TSSK6: variants seen among roughly 807,000 people sequenced by gnomAD.
The protein encoded by TSSK6 is testis-specific serine/threonine-protein kinase 6.
TSSK6 carries 9 observed loss-of-function variants against 8.5 expected under a neutral mutation model. That is an observed-to-expected ratio of 1.06 (90% CI 0.64 to 1.85). The LOEUF (loss-of-function observed/expected upper bound fraction) is 1.85. Ranked by LOEUF, TSSK6 falls within the 40% of genes most tolerant of loss-of-function variation. TSSK6 has a pLI of 0.00. For missense variants in TSSK6, 311 were observed against 391.5 expected (o/e 0.79, Z 1.73); for synonymous variants, 202 against 182.4 (o/e 1.11, Z -0.86).
In TSSK6 at chr19:19,514,395, C is replaced by G. The variant is rs1238218771; in HGVS notation, c.*211G>C. 3.4e-6 allele frequency: 2 copies of G among 594,328 alleles called. No individual in the cohort carries two copies. The highest frequency in any genetic ancestry group is 2.2e-5 in the South Asian group (1 of 44,814). 36.8% of individuals were successfully genotyped at this position (594,328 alleles called of 1,614,324 possible). ...CAGGGAATCGCGGATGCGCATGCGC[C>G]TCCAGCTCCCGGGATCGCGGGGAAC... On this transcript the variant is annotated 3_prime_UTR_variant, in exon 1 of 1. Coordinates refer to ENST00000585580, the MANE Select transcript of TSSK6 (RefSeq NM_032037.4).
chr19:19,514,422 T>G lies in TSSK6; in HGVS notation c.*184A>C. 1 of 635,332 alleles carries G rather than the reference T, an allele frequency of 1.6e-6. No individual in the cohort carries two copies. Among genetic ancestry groups the G allele is most frequent in the East Asian group, 2.8e-5 (1 of 35,366 alleles). 39.4% of individuals were successfully genotyped at this position (635,332 alleles called of 1,614,324 possible). A position where few individuals can be genotyped will look rare whatever the true frequency, so the allele number is the denominator to read the frequency against. On this transcript the variant is annotated 3_prime_UTR_variant, in exon 1 of 1. Transcript: ENST00000585580. ...CCAGCTCCCGGGATCGCGGGGAACGTGGATTCCGAACAAGGGCAACTGCGG... is the reference window on the plus strand; with the variant it reads ...CCAGCTCCCGGGATCGCGGGGAACGGGGATTCCGAACAAGGGCAACTGCGG...
Position 19,515,470 on chromosome 19 carries a change from C to A in TSSK6, c.-43G>T. The A allele has an allele frequency of 6.5e-7, 1 of 1,542,122 alleles. No individual in the cohort carries two copies. The highest frequency in any genetic ancestry group is 8.8e-7 in the Non-Finnish European group (1 of 1,137,180). Reference sequence around the variant, plus strand: ...ACGGGGGGCAGGAGGCGGCTGCTGTCGGGGGGCGGCCGGACTCCAATCTCG... The same window carrying A: ...ACGGGGGGCAGGAGGCGGCTGCTGTAGGGGGGCGGCCGGACTCCAATCTCG... On this transcript the variant is annotated 5_prime_UTR_variant, in exon 1 of 1. Transcript: ENST00000585580.
Position 19,514,381 on chromosome 19 carries a change from G to T in TSSK6, c.*225C>A. On this transcript the variant is annotated 3_prime_UTR_variant, in exon 1 of 1. Transcript: ENST00000585580. Reference sequence around the variant, plus strand: ...TCGGGGCCTGGTCGCAGGGAATCGCGGATGCGCATGCGCCTCCAGCTCCCG... The same window carrying T: ...TCGGGGCCTGGTCGCAGGGAATCGCTGATGCGCATGCGCCTCCAGCTCCCG... The T allele has an allele frequency of 1.8e-6, 1 of 569,578 alleles. No homozygotes were observed. Among genetic ancestry groups the T allele is most frequent in the Middle Eastern group, 4.8e-4 (1 of 2,096 alleles). 35.3% of individuals were successfully genotyped at this position (569,578 alleles called of 1,614,324 possible).
Position 19,514,849 on chromosome 19 carries a change from G to T in TSSK6, c.579C>A (p.Tyr193Ter). 2.5e-6 allele frequency: 4 copies of T among 1,600,056 alleles called. No homozygotes were observed. The highest frequency in any genetic ancestry group is 3.4e-6 in the Non-Finnish European group (4 of 1,178,542). ...LLGIPYDPKK[Y>*]DVWSMGVVLY... Reference sequence around the variant, plus strand: ...GCACGACGCCCATGCTCCACACATCGTACTTCTTGGGGTCGTAGGGGATGC... The same window carrying T: ...GCACGACGCCCATGCTCCACACATCTTACTTCTTGGGGTCGTAGGGGATGC... The change falls in exon 1 of 1, where the codon TAC becomes TAA. Residue 193 changes from tyrosine to a stop codon, truncating the protein, a stop_gained. Coordinates refer to ENST00000585580, the MANE Select transcript of TSSK6 (RefSeq NM_032037.4). LOFTEE classifies it high-confidence loss of function.
rs972468550 is a variant in TSSK6, at chr19:19,514,539, C to A, written c.*67G>T. ...GCTTCGCATATTCCCTCGAAGCGCGCCTCTTGCGCGTGCGCCGCCCTGGCC... is the reference window on the plus strand; with the variant it reads ...GCTTCGCATATTCCCTCGAAGCGCGACTCTTGCGCGTGCGCCGCCCTGGCC... On this transcript the variant is annotated 3_prime_UTR_variant, in exon 1 of 1. Transcript: ENST00000585580. The A allele has an allele frequency of 4.1e-5, 56 of 1,377,164 alleles. 1 individual carries two copies. In the South Asian group the frequency reaches 8.0e-4, roughly 20 times the overall value. 85.3% of individuals were successfully genotyped at this position (1,377,164 alleles called of 1,614,324 possible). A position where few individuals can be genotyped will look rare whatever the true frequency, so the allele number is the denominator to read the frequency against.
At position 19,514,791 on chromosome 19, in the gene TSSK6, C is replaced by T; in HGVS notation, c.637G>A (p.Asp213Asn). 6.2e-7 allele frequency: 1 copy of T among 1,601,902 alleles called. No individual in the cohort carries two copies. Among genetic ancestry groups the T allele is most frequent in the Non-Finnish European group, 8.5e-7 (1 of 1,179,520 alleles). Residue 213 changes from aspartate to asparagine, a missense_variant, in exon 1 of 1, where the codon GAC becomes AAC. By Grantham distance (23) the Asp-to-Asn change is conservative. Transcript: ENST00000585580. ...GGCAGGCCGGCGATGTCCGAGTCGT[C>T]GAAGGGCATGCACCCGGTGACCATG... Reference protein sequence around the residue: ...YVMVTGCMPFDDSDIAGLPRR... With the variant: ...YVMVTGCMPFNDSDIAGLPRR...
rs1252231177 is a variant in TSSK6 at position 19,515,111 on chromosome 19, C to G, written c.317G>C (p.Arg106Pro). 2.5e-6 allele frequency: 4 copies of G among 1,604,288 alleles called. No homozygotes were observed. Among genetic ancestry groups the G allele is most frequent in the East Asian group, 4.5e-5 (2 of 44,744 alleles). The change falls in exon 1 of 1, where the codon CGC (arginine) becomes CCC (proline). Residue 106 changes from arginine (R) to proline (P), a missense_variant. Arg to Pro is a moderately radical substitution (Grantham distance 103). Transcript: ENST00000585580. Reference sequence around the variant, plus strand: ...GTCGCGCGCCTGAACTCCGGGGATGCGCCCGTTGCGCTGCACGGCTTGCAG... The same window carrying G: ...GTCGCGCGCCTGAACTCCGGGGATGGGCCCGTTGCGCTGCACGGCTTGCAG... ...DLLQAVQRNGRIPGVQARDLF... is the reference protein window; with the variant it reads ...DLLQAVQRNGPIPGVQARDLF...
chr19:19,515,089 G>C lies in TSSK6; in HGVS notation c.339C>G (p.Arg113=). The change falls in exon 1 of 1, where the codon CGC becomes CGG. Residue 113 remains arginine (R), a synonymous_variant. Transcript: ENST00000585580. ...RNGRIPGVQA[R]DLFAQIAGAV... ...CGCCGGCGATCTGCGCAAAGAGGTC[G>C]CGCGCCTGAACTCCGGGGATGCGCC... 12 of 1,605,930 alleles carry C rather than the reference G, an allele frequency of 7.5e-6. No homozygotes were observed. Among genetic ancestry groups the C allele is most frequent in the Non-Finnish European group, 1.0e-5 (12 of 1,177,472 alleles).
In TSSK6 at chr19:19,514,328, T is replaced by G; in HGVS notation, c.*278A>C. ...GGCTGAGAGTTCCGCGCAGGCGCAA[T>G]GCTTCCGTCCCCTCTGGTCTCGCCC... On this transcript the variant is annotated 3_prime_UTR_variant, in exon 1 of 1. Transcript: ENST00000585580. 1 of 478,928 alleles carries G rather than the reference T, an allele frequency of 2.1e-6. No individual in the cohort carries two copies. 29.7% of individuals were successfully genotyped at this position (478,928 alleles called of 1,614,324 possible).
Position 19,515,148 on chromosome 19 carries a change from C to T in TSSK6, c.280G>A (p.Ala94Thr). The T allele has an allele frequency of 6.2e-7, 1 of 1,605,758 alleles. No homozygotes were observed. Among genetic ancestry groups the T allele is most frequent in the Non-Finnish European group, 8.5e-7 (1 of 1,179,668 alleles). ...TGCACGGCTTGCAGCAGGTCGGTGGCGGCCGCTTCCATCACGATGTACAGT... is the reference window on the plus strand; with the variant it reads ...TGCACGGCTTGCAGCAGGTCGGTGGTGGCCGCTTCCATCACGATGTACAGT... ...GKLYIVMEAA[A>T]TDLLQAVQRN... is the part of the protein sequence containing the mutation. Residue 94 changes from alanine to threonine, a missense_variant, in exon 1 of 1, where the codon GCC (alanine) becomes ACC (threonine). Transcript: ENST00000585580.
chr19:19,514,690 C>T lies in TSSK6; in HGVS notation c.738G>A (p.Glu246=). 3 of 1,600,866 alleles carry T rather than the reference C, an allele frequency of 1.9e-6. No individual in the cohort carries two copies. Reference sequence around the variant, plus strand: ...TGGCGGACGGGCTGAACTGCAGCAGCTCGGCGATCAGGGCCTTGCAGCGCT... The same window carrying T: ...TGGCGGACGGGCTGAACTGCAGCAGTTCGGCGATCAGGGCCTTGCAGCGCT... ...LSERCKALIA[E]LLQFSPSARP... Residue 246 remains glutamate, a synonymous_variant, in exon 1 of 1, where the codon GAG becomes GAA. Transcript: ENST00000585580.
Position 19,514,592 on chromosome 19 carries a change from G to C in TSSK6, c.*14C>G. The C allele has an allele frequency of 3.9e-6, 6 of 1,549,730 alleles. No homozygotes were observed. The highest frequency in any genetic ancestry group is 1.7e-6 in the Non-Finnish European group (2 of 1,153,516). ...GTGCCCTTGGCTGCAGGAATGGCTG[G>C]AACCACCCGGCTTCTAGCCGGAGTC... On this transcript the variant is annotated 3_prime_UTR_variant, in exon 1 of 1. Transcript: ENST00000585580.
In TSSK6 at chr19:19,515,280, G is replaced by C. The variant is rs1228361348; in HGVS notation, c.148C>G (p.Pro50Ala). 4 of 1,613,876 alleles carry C rather than the reference G, an allele frequency of 2.5e-6. No homozygotes were observed. Among genetic ancestry groups the C allele is most frequent in the Non-Finnish European group, 3.4e-6 (4 of 1,179,998 alleles). Reference protein sequence around the residue: ...IKVVDRRRAPPDFVNKFLPRE... With the variant: ...IKVVDRRRAPADFVNKFLPRE... ...GGCAGGAACTTGTTGACGAAGTCCG[G>C]GGGCGCTCGCCGCCGGTCCACCACC... is the stretch of plus-strand genomic sequence containing the variant. The change falls in exon 1 of 1, where the codon CCG becomes GCG. Residue 50 changes from proline (P) to alanine (A), a missense_variant. Physicochemically the swap from Pro to Ala is conservative, Grantham distance 27. Transcript: ENST00000585580.
rs1327720892 is a variant in TSSK6 at position 19,515,435 on chromosome 19, C to G, written c.-8G>C. The G allele has an allele frequency of 1.3e-6, 2 of 1,573,784 alleles. No individual in the cohort carries two copies. Among genetic ancestry groups the G allele is most frequent in the East Asian group, 2.3e-5 (1 of 44,350 alleles). ...AAGTTTGTCTCCCGACATGGTGGCG[C>G]CTAGGGCGCACGGGGGGCAGGAGGC... On this transcript the variant is annotated 5_prime_UTR_variant, in exon 1 of 1. Transcript: ENST00000585580.
At position 19,515,143 on chromosome 19, in the gene TSSK6, G is replaced by T; in HGVS notation, c.285C>A (p.Thr95=). The T allele has an allele frequency of 6.2e-7, 1 of 1,605,830 alleles. No homozygotes were observed. The change falls in exon 1 of 1, where the codon ACC becomes ACA. Residue 95 remains threonine (T), a synonymous_variant. Coordinates refer to ENST00000585580, the MANE Select transcript of TSSK6 (RefSeq NM_032037.4). ...KLYIVMEAAA[T]DLLQAVQRNG... ...TGCGCTGCACGGCTTGCAGCAGGTCGGTGGCGGCCGCTTCCATCACGATGT... is the reference window on the plus strand; with the variant it reads ...TGCGCTGCACGGCTTGCAGCAGGTCTGTGGCGGCCGCTTCCATCACGATGT...
In TSSK6 at chr19:19,514,921, G is replaced by C. The variant is rs752269725; in HGVS notation, c.507C>G (p.Thr169=). The C allele has an allele frequency of 6.2e-7, 1 of 1,603,708 alleles. No individual in the cohort carries two copies. Among genetic ancestry groups the C allele is most frequent in the Non-Finnish European group, 8.5e-7 (1 of 1,176,684 alleles). ...RQAHGYPDLS[T]TYCGSAAYAS... ...CGTAGGCGGCTGAGCCGCAGTAGGT[G>C]GTGCTCAGGTCTGGGTAGCCATGGG... The change falls in exon 1 of 1, where the codon ACC becomes ACG. Residue 169 remains threonine (T), a synonymous_variant. Coordinates refer to ENST00000585580, the MANE Select transcript of TSSK6 (RefSeq NM_032037.4).
In TSSK6 at chr19:19,514,572, C is replaced by G. The variant is rs1374290621; in HGVS notation, c.*34G>C. ...GCGTGCGCCGCCCTGGCCCAGTGCC[C>G]TTGGCTGCAGGAATGGCTGGAACCA... On this transcript the variant is annotated 3_prime_UTR_variant, in exon 1 of 1. Coordinates refer to ENST00000585580, the MANE Select transcript of TSSK6 (RefSeq NM_032037.4). The G allele has an allele frequency of 8.0e-6, 12 of 1,508,088 alleles. No individual in the cohort carries two copies. The highest frequency in any genetic ancestry group is 8.8e-7 in the Non-Finnish European group (1 of 1,132,594). The allele number at this position is 1,508,088 out of a possible 1,614,324, so 93.4% of individuals were successfully genotyped here.
rs542259301 is a variant in TSSK6, at chr19:19,514,521, A to T, written c.*85T>A. The T allele has an allele frequency of 9.5e-5, 119 of 1,256,078 alleles. No homozygotes were observed. In the African/African-American group the frequency reaches 1.7e-3, roughly 18 times the overall value. The allele number at this position is 1,256,078 out of a possible 1,614,324, so 77.8% of individuals were successfully genotyped here. A position where few individuals can be genotyped will look rare whatever the true frequency, so the allele number is the denominator to read the frequency against. On this transcript the variant is annotated 3_prime_UTR_variant, in exon 1 of 1. Coordinates refer to ENST00000585580, the MANE Select transcript of TSSK6 (RefSeq NM_032037.4). The stretch of plus-strand genomic sequence containing the variant: ...GTGCAGCAGCACGCGGCAGCTTCGC[A>T]TATTCCCTCGAAGCGCGCCTCTTGC...
chr19:19,514,454 C>T lies in TSSK6; in HGVS notation c.*152G>A. The T allele has an allele frequency of 2.6e-6, 2 of 776,808 alleles. No homozygotes were observed. The highest frequency in any genetic ancestry group is 3.0e-5 in the Admixed American group (1 of 33,674). The allele number at this position is 776,808 out of a possible 1,614,324, so 48.1% of individuals were successfully genotyped here. ...CGAACAAGGGCAACTGCGGACTCCCCCGTGGGAAGAAAGGGAGGGAAGCGG... is the reference window on the plus strand; with the variant it reads ...CGAACAAGGGCAACTGCGGACTCCCTCGTGGGAAGAAAGGGAGGGAAGCGG... On this transcript the variant is annotated 3_prime_UTR_variant, in exon 1 of 1. Transcript: ENST00000585580.
Sources: allele counts gnomAD v4.1 joint callset, GRCh38; gene constraint gnomAD v4.1.1; transcripts MANE v1.5; gene names NCBI Gene and HGNC (gene_info 2026-07-23, HGNC 2026-07-21).